The following COL28A1 variants were observed in gnomAD, a reference collection of about 807,000 sequenced individuals.
The protein encoded by COL28A1 is collagen type XXVIII alpha 1 chain, also known as collagen alpha-1(XXVIII) chain.
In COL28A1, 161 loss-of-function variants were observed where a neutral mutation model predicts 150.2. That is an observed-to-expected ratio of 1.07 (90% CI 0.94 to 1.22). COL28A1 has a LOEUF of 1.22. Ranked by LOEUF, COL28A1 falls within the 50% of genes most tolerant of loss-of-function variation. The pLI, the probability that COL28A1 is intolerant of heterozygous loss-of-function variation, is 0.00. For synonymous variants in COL28A1, 552 were observed against 469.7 expected (o/e 1.18, Z -2.26); for missense variants, 1,617 against 1,388.3 (o/e 1.16, Z -2.62).
chr7:7,505,835 T>G (rs529741552), intron 11 of COL28A1, among the ~76,000 whole-genome samples, 179 bp downstream of exon 11: 16 of 152,348 alleles, frequency 1.1e-4, no homozygotes, highest in Non-Finnish European at 1.8e-4. Context: ...GATAAAGGTA[T>G]GCTGCTAACT....
chr7:7,414,856 C>G (rs1783979981), intron 27 of COL28A1, among the ~76,000 whole-genome samples: 2 of 152,182 alleles, frequency 1.3e-5, no homozygotes, highest in Non-Finnish European at 2.9e-5. Flanking sequence ...CTGCCTACTG[C>G]TGTAATCTAA....
chr7:7,539,634 T>C (rs1782751398), upstream of COL28A1, among the ~76,000 whole-genome samples: 1 of 152,106 alleles, frequency 6.6e-6, no homozygotes, highest in Non-Finnish European at 1.5e-5. Flanking sequence ...AAAATAAAAA[T>C]TATCATTGGT....
chr7:7,409,246 T>A (rs555835769), intron 27 of COL28A1, among the ~76,000 whole-genome samples: 1 of 152,252 alleles, frequency 6.6e-6, no homozygotes, highest in East Asian at 1.9e-4. Context: ...CTTTTATAAA[T>A]TTTCAACAAT....
rs576651457 is a variant in COL28A1 at position 7,452,349 on chromosome 7, T to C, written c.1479A>G (p.Gly493=). The change falls in exon 18 of 35, where the codon GGA becomes GGG. Residue 493 remains glycine, a synonymous_variant. Transcript: ENST00000399429. ...VGQMGPTGPR[G]PVGIGVQGPK... is the part of the protein sequence containing the mutation. ...GACCTTGTACTCCAATTCCCACTGG[T>C]CCTCGAGGGCCTGTAGGTCCCATTT... 24 of 1,606,788 alleles carry C rather than the reference T, an allele frequency of 1.5e-5. No homozygotes were observed. In the Admixed American group the frequency reaches 2.8e-4, roughly 19 times the overall value.
chr7:7,359,122 A>T (rs1780491726), intron 34 of COL28A1, among the ~76,000 whole-genome samples: 1 of 152,168 alleles, frequency 6.6e-6, no homozygotes, highest in Non-Finnish European at 1.5e-5. Context: ...TGGGGATTAG[A>T]AAGACAGGAC....
At chr7:7,339,697 G>T in the COL28A1 span, among the ~76,000 whole-genome samples, 1 of 151,958 alleles carries the variant, frequency 6.6e-6, no homozygotes, top group African/African-American at 2.4e-5. Context: ...AAGAAAAAAG[G>T]CACATTATTT....
At chr7:7,510,637 C>T (rs984240536) in intron 9 of COL28A1, among the ~76,000 whole-genome samples, 2 of 152,146 alleles carry the variant, frequency 1.3e-5, no homozygotes, top group Admixed American at 1.3e-4. Flanking sequence ...TTTGTGTCTA[C>T]ATTTTCAAAA....
At chr7:7,353,559 A>T (rs982668057), downstream of COL28A1, among the ~76,000 whole-genome samples, 1 of 152,166 alleles carries the variant, frequency 6.6e-6, no homozygotes, top group African/African-American at 2.4e-5. Flanking sequence ...AACCTCGATC[A>T]TTGAGACCTG....
rs543375646 is a variant in COL28A1 at position 7,452,182 on chromosome 7, G to A, written c.1509+137C>T. 131 of 1,280,204 alleles carry A rather than the reference G, an allele frequency of 1.0e-4. No individual in the cohort carries two copies. The Middle Eastern group carries it at 2.1e-3, about 21-fold the overall frequency. 79.3% of individuals were successfully genotyped at this position (1,280,204 alleles called of 1,614,324 possible). ...TATAGCTTTTGCAGTAGTAGTAGCC[G>A]CACTTAAAAAGTAAAAGGAGCCCAT... On this transcript the variant is annotated intron_variant, in intron 18 of 34. Coordinates refer to ENST00000399429, the MANE Select transcript of COL28A1 (RefSeq NM_001037763.3).
intron 33 of COL28A1, among the ~76,000 whole-genome samples, chr7:7,363,673 A>G (rs570169762): frequency 1.8e-4 from 28 of 152,068 alleles, no homozygotes; most frequent in Non-Finnish European, 3.5e-4. Flanking sequence ...GTGCATATCC[A>G]TTTTTTTGTT....
chr7:7,359,214 C>G (rs1334344543), intron 34 of COL28A1, among the ~76,000 whole-genome samples: 1 of 151,966 alleles, frequency 6.6e-6, no homozygotes, highest in African/African-American at 2.4e-5. Flanking sequence ...TACACATTTC[C>G]TCCCATTCTG....
intron 11 of COL28A1, among the ~76,000 whole-genome samples, chr7:7,502,807 C>A (rs1780608920): frequency 1.1e-5 from 1 of 93,288 alleles, no homozygotes; most frequent in East Asian, 2.9e-4. Context: ...ACGCCATTCT[C>A]CTGCCTCAGC....
downstream of COL28A1, among the ~76,000 whole-genome samples, chr7:7,352,422 T>A (rs1224091419): frequency 1.3e-5 from 2 of 152,160 alleles, no homozygotes; most frequent in African/African-American, 4.8e-5. Flanking sequence ...TAGATGTAAC[T>A]AAACTGAAGG....
At chr7:7,378,780 C>T (rs903444627) in intron 30 of COL28A1, among the ~76,000 whole-genome samples, 2 of 152,172 alleles carry the variant, frequency 1.3e-5, no homozygotes, top group African/African-American at 4.8e-5. Context: ...TGTGGAGATA[C>T]TGTCTACCTC....
chr7:7,527,943 G>A (rs1583576917), intron 3 of COL28A1, among the ~76,000 whole-genome samples: 1 of 152,032 alleles, frequency 6.6e-6, no homozygotes, highest in East Asian at 1.9e-4. Flanking sequence ...TAAAATGGTA[G>A]CAAAATGGCC....
At chr7:7,520,706 A>G (rs1006761578) in intron 5 of COL28A1, among the ~76,000 whole-genome samples, 1 of 152,216 alleles carries the variant, frequency 6.6e-6, no homozygotes, top group African/African-American at 2.4e-5. Flanking sequence ...TAAATAACAT[A>G]TTCTGTGGCT....
chr7:7,462,006 C>T lies in COL28A1; in HGVS notation c.1303-5894G>A, dbSNP rs1035121898. 4.6e-5 allele frequency among the ~76,000 whole-genome samples: 7 copies of T among 152,246 alleles called. No individual in the cohort carries two copies. In the East Asian group the frequency reaches 9.7e-4, roughly 21 times the overall value. On this transcript the variant is annotated intron_variant, in intron 15 of 34. Transcript: ENST00000399429. ...AGTCCATTTCACCCACTGGAGCAGG[C>T]GCTGGTATCCATGGCTGAGGGACCC...
intron 2 of COL28A1, 95 bp downstream of exon 2, chr7:7,532,657 A>T: frequency 2.0e-6 from 3 of 1,466,438 alleles, no homozygotes; most frequent in Non-Finnish European, 2.7e-6. Context: ...ATACATGTAT[A>T]TGGCTTGCTA....
chr7:7,542,388 T>C, the COL28A1 span, among the ~76,000 whole-genome samples: 513 of 152,262 alleles, frequency 3.4e-3, 2 homozygotes, highest in African/African-American at 0.012. Context: ...GATGGGTAGA[T>C]TATGCAATAG....
Sources: allele counts gnomAD v4.1 joint callset (sites outside exome capture counted in the v4.1 genomes callset), GRCh38; gene constraint gnomAD v4.1.1; transcripts MANE v1.5; gene names NCBI Gene and HGNC (gene_info 2026-07-23, HGNC 2026-07-21).